The following ANXA2 variants were observed in gnomAD, a reference collection of about 807,000 sequenced individuals.
ANXA2 encodes annexin II.
In ANXA2, 28 loss-of-function variants were observed where a neutral mutation model predicts 47.3. The ratio of observed to expected loss-of-function variants is 0.59; its 90% confidence interval spans 0.44 to 0.81. ANXA2 has a LOEUF of 0.81. Ranked by LOEUF, ANXA2 falls within the 40% of genes least tolerant of loss-of-function variation. ANXA2 has a pLI of 0.00. For missense variants in ANXA2, 384 were observed against 414.3 expected, an observed-to-expected ratio of 0.93 and a Z score of 0.64; for synonymous variants, 172 against 155.5, an observed-to-expected ratio of 1.11 and a Z score of -0.79.
intron 3 of ANXA2, among the ~76,000 whole-genome samples, chr15:60,378,373 C>G (rs910873878): frequency 2.0e-5 from 3 of 152,150 alleles, no homozygotes; most frequent in Admixed American, 2.0e-4. Flanking sequence ...CTACATTCTG[C>G]AGACATTCTA....
chr15:60,379,039 G>A (rs1158238093), intron 3 of ANXA2, among the ~76,000 whole-genome samples: 3 of 151,914 alleles, frequency 2.0e-5, no homozygotes, highest in Admixed American at 1.3e-4. Flanking sequence ...CCAGCACTTT[G>A]GGAGGCCAAA....
chr15:60,352,287 A>G lies in ANXA2; in HGVS notation c.682+96T>C. The G allele has an allele frequency of 1.3e-6, 1 of 771,854 alleles. No homozygotes were observed. Among genetic ancestry groups the G allele is most frequent in the Non-Finnish European group, 2.2e-6 (1 of 463,194 alleles). The allele number at this position is 771,854 out of a possible 1,614,324, so 47.8% of individuals were successfully genotyped here. ...TATGAGAGTGCCAAGCGGAGACAGAACCTCATTCTGGCAGACTCCATCCCA... is the reference window on the plus strand; with the variant it reads ...TATGAGAGTGCCAAGCGGAGACAGAGCCTCATTCTGGCAGACTCCATCCCA... On this transcript the variant is annotated intron_variant, in intron 9 of 12. Transcript: ENST00000451270. This position sits in a 1 kb window ranked among gnomAD's most constrained non-coding sequence, Gnocchi z 4.2.
rs372199283 is a variant in ANXA2, at chr15:60,351,725, C to G, written c.777G>C (p.Leu259=). 2 of 1,606,188 alleles carry G rather than the reference C, an allele frequency of 1.2e-6. No homozygotes were observed. Among genetic ancestry groups the G allele is most frequent in the African/African-American group, 2.7e-5 (2 of 74,728 alleles). The change falls in exon 10 of 13, where the codon CTG becomes CTC. Residue 259 remains leucine (L), a splice_region_variant and synonymous_variant. Coordinates refer to ENST00000451270, the MANE Select transcript of ANXA2 (RefSeq NM_004039.3). ...KGDLENAFLN[L]VQCIQNKPLY... is the part of the protein sequence containing the mutation. Reference sequence around the variant, plus strand: ...GGAATGGGGGCCACATTCACTTACCCAGGTTCAGGAAAGCATTTTCCAGGT... The same window carrying G: ...GGAATGGGGGCCACATTCACTTACCGAGGTTCAGGAAAGCATTTTCCAGGT...
At chr15:60,365,974 G>A (rs904191896) in intron 3 of ANXA2, among the ~76,000 whole-genome samples, 11 of 141,644 alleles carry the variant, frequency 7.8e-5, no homozygotes, top group Non-Finnish European at 1.1e-4. Flanking sequence ...TCAGCCTGCC[G>A]AGTGCCTGCG....
At chr15:60,387,986 G>C (rs913605172) in intron 1 of ANXA2, among the ~76,000 whole-genome samples, 1 of 152,104 alleles carries the variant, frequency 6.6e-6, no homozygotes, top group Non-Finnish European at 1.5e-5. Flanking sequence ...TCAGGAGATA[G>C]AGACCAGCCT....
intron 1 of ANXA2, chr15:60,396,432 G>A (rs1017931793): frequency 3.9e-5 from 6 of 152,168 alleles, no homozygotes; most frequent in African/African-American, 1.2e-4. Flanking sequence ...GCGTCTCTAA[G>A]GAGGTGGAAG....
At chr15:60,378,705 C>T (rs984753361) in intron 3 of ANXA2, among the ~76,000 whole-genome samples, 1 of 152,194 alleles carries the variant, frequency 6.6e-6, no homozygotes, top group African/African-American at 2.4e-5. Flanking sequence ...GTGTCTCATA[C>T]CTGTAATCCC....
chr15:60,369,934 C>T (rs1018068353), intron 3 of ANXA2, among the ~76,000 whole-genome samples: 1 of 152,138 alleles, frequency 6.6e-6, no homozygotes, highest in Non-Finnish European at 1.5e-5. Context: ...CTCCACAAGC[C>T]GCAATGCAGT....
Position 60,367,421 on chromosome 15 carries a change from C to G in ANXA2, c.149-2898G>C, listed in dbSNP as rs1407814540. On this transcript the variant is annotated intron_variant, in intron 3 of 12. Transcript: ENST00000451270. ...GGGGGGGTCGGCCAGCCGCCCCGTCCGGGAGGGAGGTGGGGGGGGGGGTCA... is the reference window on the plus strand; with the variant it reads ...GGGGGGGTCGGCCAGCCGCCCCGTCGGGGAGGGAGGTGGGGGGGGGGGTCA... Among the ~76,000 whole-genome samples, 18 of 26,752 alleles carry G rather than the reference C, an allele frequency of 6.7e-4. 1 individual carries two copies. The highest frequency in any genetic ancestry group is 1.3e-3 in the Non-Finnish European group (18 of 14,040). 17.6% of individuals were successfully genotyped at this position (26,752 alleles called of 152,430 possible). A position where few individuals can be genotyped will look rare whatever the true frequency, so the allele number is the denominator to read the frequency against.
At chr15:60,379,701 A>G (rs1404559914) in intron 3 of ANXA2, among the ~76,000 whole-genome samples, 4 of 152,202 alleles carry the variant, frequency 2.6e-5, no homozygotes, top group African/African-American at 7.2e-5. Flanking sequence ...ATGTTCCTGA[A>G]GTGCCTGGTG....
chr15:60,390,871 T>C (rs531218635), intron 1 of ANXA2, among the ~76,000 whole-genome samples: 1 of 152,336 alleles, frequency 6.6e-6, no homozygotes, highest in East Asian at 1.9e-4. Context: ...GATTCACTGT[T>C]TGTTAAAACA....
chr15:60,350,525 ACAGATGGCAGAGG>A (rs1895961399), intron 11 of ANXA2, among the ~76,000 whole-genome samples: 1 of 152,214 alleles, frequency 6.6e-6, no homozygotes, highest in Non-Finnish European at 1.5e-5. Context: ...GAACTCAAAG[ACAGATGGCAGAGG>A]CAGCACAGAC....
chr15:60,370,778 C>T (rs1011725519), intron 3 of ANXA2, among the ~76,000 whole-genome samples: 1 of 152,180 alleles, frequency 6.6e-6, no homozygotes, highest in Non-Finnish European at 1.5e-5. Flanking sequence ...TCTCGTGTTC[C>T]AGTGCTTAAG....
chr15:60,388,615 A>G (rs570347599), intron 1 of ANXA2, among the ~76,000 whole-genome samples: 85 of 144,606 alleles, frequency 5.9e-4, no homozygotes, highest in Admixed American at 1.6e-3. Flanking sequence ...TTAATGTTTC[A>G]GTAGAGACAA....
chr15:60,392,341 C>A (rs1232847978), intron 1 of ANXA2, among the ~76,000 whole-genome samples: 2 of 151,664 alleles, frequency 1.3e-5, no homozygotes, highest in Admixed American at 6.6e-5. Flanking sequence ...ACTGCCATTA[C>A]TTTTAATGGC....
chr15:60,349,026 C>T lies in ANXA2; in HGVS notation c.960+49G>A, dbSNP rs370190920. 165 of 1,609,302 alleles carry T rather than the reference C, an allele frequency of 1.0e-4. 1 individual carries two copies. In the Admixed American group the frequency reaches 2.2e-3, roughly 22 times the overall value. ...TTCTGCCAGGCCACCTGCCAGGGCC[C>T]GGGGTGCTCTGGACGGCAGGGCAGG... On this transcript the variant is annotated intron_variant, in intron 12 of 12. Transcript: ENST00000451270.
intron 3 of ANXA2, among the ~76,000 whole-genome samples, chr15:60,368,775 C>T (rs1289670820): frequency 3.3e-5 from 5 of 151,822 alleles, no homozygotes; most frequent in African/African-American, 4.8e-5. Context: ...TTTTAATACC[C>T]GGTGAGTGGC....
In ANXA2 at chr15:60,347,601, A is replaced by C; in HGVS notation, c.*29T>G. 6.2e-7 allele frequency: 1 copy of C among 1,611,830 alleles called. No individual in the cohort carries two copies. Among genetic ancestry groups the C allele is most frequent in the Non-Finnish European group, 8.5e-7 (1 of 1,177,942 alleles). On this transcript the variant is annotated 3_prime_UTR_variant, in exon 13 of 13. Transcript: ENST00000451270. ...GTTAGCTGGAAGCATGGTGAGCACC[A>C]TTTCTGGACGCTCAGGCCGTGTCGG...
At chr15:60,384,141 T>C (rs984878549) in intron 2 of ANXA2, 1 of 152,252 alleles carries the variant, frequency 6.6e-6, no homozygotes, top group Admixed American at 6.5e-5. Flanking sequence ...GGCAAAGTGC[T>C]ATTTTGAAAT....
Sources: allele counts gnomAD v4.1 joint callset (sites outside exome capture counted in the v4.1 genomes callset), GRCh38; gene constraint gnomAD v4.1.1; non-coding constraint Gnocchi (gnomAD v3.1); transcripts MANE v1.5; gene names NCBI Gene and HGNC (gene_info 2026-07-23, HGNC 2026-07-21).